KLRG1: variants seen among roughly 807,000 people sequenced by gnomAD.
The protein encoded by KLRG1 is killer cell lectin-like receptor subfamily G member 1.
Under a neutral mutation model 21.8 loss-of-function variants are expected in KLRG1, and 16 were observed. That is an observed-to-expected ratio of 0.73 (90% CI 0.50 to 1.11). KLRG1 has a LOEUF of 1.11. Ranked by LOEUF, KLRG1 falls within the 50% of genes most tolerant of loss-of-function variation. The pLI, the probability that KLRG1 is intolerant of heterozygous loss-of-function variation, is 0.00. For synonymous variants in KLRG1, 69 were observed against 75.9 expected (o/e 0.91, Z 0.47); for missense variants, 173 against 218.3 (o/e 0.79, Z 1.31).
chr12:9,193,356 A>G, the KLRG1 span, among the ~76,000 whole-genome samples: 1 of 152,032 alleles, frequency 6.6e-6, no homozygotes, highest in Non-Finnish European at 1.5e-5. Context: ...GGACTCTTCT[A>G]TTTGGTCTCA....
the KLRG1 span, chr12:9,068,183 C>T: frequency 4.3e-6 from 7 of 1,612,188 alleles, no homozygotes; most frequent in Non-Finnish European, 5.9e-6. Flanking sequence ...AGTGGCTTAC[C>T]TTTGCTGCAA....
At chr12:9,164,772 T>G in the KLRG1 span, among the ~76,000 whole-genome samples, 1 of 152,180 alleles carries the variant, frequency 6.6e-6, no homozygotes, top group South Asian at 2.1e-4. Flanking sequence ...AAATTAAAAT[T>G]ATATATTTTG....
At chr12:9,058,747 T>G in the KLRG1 span, 1 of 151,638 alleles carries the variant, frequency 6.6e-6, no homozygotes, top group Non-Finnish European at 1.5e-5. Flanking sequence ...TGCCTGGTGA[T>G]GAGATCCCCT....
rs1043142833 is a variant in KLRG1 at position 9,009,777 on chromosome 12, G to T, written c.*240G>T. 6.4e-6 allele frequency: 9 copies of T among 1,412,726 alleles called. No homozygotes were observed. The highest frequency in any genetic ancestry group is 3.1e-5 in the Admixed American group (1 of 32,464). The allele number at this position is 1,412,726 out of a possible 1,614,324, so 87.5% of individuals were successfully genotyped here. On this transcript the variant is annotated 3_prime_UTR_variant, in exon 5 of 5. Coordinates refer to ENST00000356986, the MANE Select transcript of KLRG1 (RefSeq NM_005810.4). ...CCAGATCTAAGCAAATTTTGAAATA[G>T]ATGTTTGTTTTTTGTATTTCTCAGT...
chr12:9,205,682 G>C, the KLRG1 span, among the ~76,000 whole-genome samples: 1 of 152,152 alleles, frequency 6.6e-6, no homozygotes, highest in East Asian at 1.9e-4. Flanking sequence ...AAATTTGCAA[G>C]TAAAAACTAT....
chr12:9,165,106 C>T, the KLRG1 span: 1 of 1,597,636 alleles, frequency 6.3e-7, no homozygotes, highest in Non-Finnish European at 8.6e-7. Flanking sequence ...TTTTGTTCTA[C>T]CCACCTTTCC....
intron 3 of KLRG1, among the ~76,000 whole-genome samples, chr12:9,006,587 A>G (rs1208306708): frequency 6.6e-6 from 1 of 152,204 alleles, no homozygotes; most frequent in Non-Finnish European, 1.5e-5. Flanking sequence ...GGAGAACATT[A>G]ATCAGGGGCA....
chr12:9,200,593 G>T, the KLRG1 span: 7 of 712,912 alleles, frequency 9.8e-6, no homozygotes, highest in Non-Finnish European at 1.6e-5. Flanking sequence ...AGATGGTAAG[G>T]TTTAACAATT....
chr12:9,127,211 C>T, the KLRG1 span, among the ~76,000 whole-genome samples: 8 of 152,306 alleles, frequency 5.3e-5, no homozygotes, highest in African/African-American at 1.9e-4. Flanking sequence ...CTGGGTTGTT[C>T]TGTCTAGAAT....
the KLRG1 span, among the ~76,000 whole-genome samples, chr12:9,142,056 G>A: frequency 6.6e-6 from 1 of 151,962 alleles, no homozygotes; most frequent in Admixed American, 6.6e-5. Flanking sequence ...GACATGCCTC[G>A]ACTTTGTTGT....
the KLRG1 span, among the ~76,000 whole-genome samples, chr12:9,049,400 T>C: frequency 6.6e-6 from 1 of 152,196 alleles, no homozygotes; most frequent in African/African-American, 2.4e-5. Flanking sequence ...GAGATAAATT[T>C]CCTGTCAGTC....
chr12:9,004,916 T>G (rs1459048514), intron 3 of KLRG1, among the ~76,000 whole-genome samples: 1 of 152,218 alleles, frequency 6.6e-6, no homozygotes, highest in Non-Finnish European at 1.5e-5. Context: ...GTTTTGTTAT[T>G]AACATTTTTT....
the KLRG1 span, chr12:9,068,260 A>G: frequency 6.3e-7 from 1 of 1,595,508 alleles, no homozygotes; most frequent in Non-Finnish European, 8.5e-7. Context: ...ACCAGAAATC[A>G]TTACATGAAG....
At chr12:9,037,519 G>GA in the KLRG1 span, among the ~76,000 whole-genome samples, 1 of 152,014 alleles carries the variant, frequency 6.6e-6, no homozygotes, top group South Asian at 2.1e-4. Flanking sequence ...TAAACTTTAT[G>GA]AAAAAAATTT....
chr12:9,168,771 A>G, the KLRG1 span: 1 of 884,014 alleles, frequency 1.1e-6, no homozygotes, highest in Non-Finnish European at 1.8e-6. Context: ...CTTTGTGTGT[A>G]TAAAGTGGAA....
the KLRG1 span, chr12:9,098,468 G>GC: frequency 1.3e-6 from 1 of 768,946 alleles, no homozygotes; most frequent in Non-Finnish European, 1.9e-6. Context: ...ACCAATGAAA[G>GC]CCCACAAGAG....
chr12:9,162,483 G>T, the KLRG1 span: 3 of 762,128 alleles, frequency 3.9e-6, no homozygotes, highest in Non-Finnish European at 6.7e-6. Context: ...GTATTATGCT[G>T]ACTTTCATGG....
the KLRG1 span, among the ~76,000 whole-genome samples, chr12:9,039,205 G>A: frequency 1.4e-4 from 22 of 152,286 alleles, no homozygotes; most frequent in South Asian, 1.4e-3. Context: ...CTTCGCCTCC[G>A]CGTCTATTCT....
At chr12:9,165,729 ATTTG>A in the KLRG1 span, among the ~76,000 whole-genome samples, 2 of 152,316 alleles carry the variant, frequency 1.3e-5, no homozygotes, top group South Asian at 2.1e-4. Flanking sequence ...ATGTAGCCTG[ATTTG>A]TTTATGTGCC....
Sources: allele counts gnomAD v4.1 joint callset (sites outside exome capture counted in the v4.1 genomes callset), GRCh38; gene constraint gnomAD v4.1.1; transcripts MANE v1.5; gene names NCBI Gene and HGNC (gene_info 2026-07-23, HGNC 2026-07-21).